The following NEK8 variants were observed in gnomAD, a reference collection of about 807,000 sequenced individuals.
The protein encoded by NEK8 is serine/threonine-protein kinase Nek8.
Under a neutral mutation model 77.2 loss-of-function variants are expected in NEK8, and 51 were observed. The observed-to-expected ratio is 0.66, with a 90% CI of 0.53 to 0.83. NEK8 has a LOEUF of 0.83. Among genes scored for constraint, NEK8 ranks in the 40% least tolerant of loss-of-function variants. The pLI, the probability that NEK8 is intolerant of heterozygous loss-of-function variation, is 0.00. For synonymous variants in NEK8, 365 were observed against 363.2 expected, an observed-to-expected ratio of 1.00 and a Z score of -0.06; for missense variants, 787 against 909.2, an observed-to-expected ratio of 0.87 and a Z score of 1.73.
intron 1 of NEK8, among the ~76,000 whole-genome samples, chr17:28,731,264 G>C (rs1311183853): frequency 1.3e-5 from 2 of 151,892 alleles, no homozygotes; most frequent in Non-Finnish European, 2.9e-5. Flanking sequence ...AAAAAGGCCG[G>C]GCGTGGGGGT....
At chr17:28,729,325 G>C (rs2034282889) in intron 1 of NEK8, among the ~76,000 whole-genome samples, 1 of 152,176 alleles carries the variant, frequency 6.6e-6, no homozygotes, top group Non-Finnish European at 1.5e-5. Flanking sequence ...AGATGGTCAA[G>C]GAAGAATTCT....
intron 1 of NEK8, among the ~76,000 whole-genome samples, chr17:28,729,531 GAT>G (rs1491513568): frequency 4.1e-5 from 4 of 98,088 alleles, no homozygotes; most frequent in African/African-American, 6.6e-5. Flanking sequence ...AAATTTTTTG[GAT>G]TTTTTTTTTT....
Position 28,738,354 on chromosome 17 carries a change from C to A in NEK8, c.1222+109C>A, listed in dbSNP as rs751078070. On this transcript the variant is annotated intron_variant, in intron 8 of 14. Transcript: ENST00000268766. ...ATGAATGCTTCTGTCTACTAGTTAT[C>A]GAGTTATTGCTTCTGTCTAGTAACT... 1.5e-5 allele frequency: 20 copies of A among 1,299,160 alleles called. No individual in the cohort carries two copies. In the South Asian group the frequency reaches 2.0e-4, roughly 13 times the overall value. The allele number at this position is 1,299,160 out of a possible 1,614,324, so 80.5% of individuals were successfully genotyped here. A position where few individuals can be genotyped will look rare whatever the true frequency, so the allele number is the denominator to read the frequency against.
intron 7 of NEK8, 41 bp downstream of exon 7, chr17:28,738,041 G>T: frequency 6.2e-7 from 1 of 1,612,890 alleles, no homozygotes; most frequent in South Asian, 1.1e-5. Flanking sequence ...TGGAGGTGGA[G>T]GTCCACAGCA....
intron 10 of NEK8, 23 bp downstream of exon 10, chr17:28,739,224 C>T: frequency 6.8e-7 from 1 of 1,476,496 alleles, no homozygotes; most frequent in Non-Finnish European, 9.5e-7. Flanking sequence ...CTTTAGGCCC[C>T]ATCTCACAGC....
At position 28,738,189 on chromosome 17, in the gene NEK8, C is replaced by T. The variant is rs199853008; in HGVS notation, c.1166C>T (p.Ser389Leu). 44 of 1,614,020 alleles carry T rather than the reference C, an allele frequency of 2.7e-5. No individual in the cohort carries two copies. The highest frequency in any genetic ancestry group is 1.6e-4 in the Middle Eastern group (1 of 6,084). Reference protein sequence around the residue: ...QFISRFLEGQSGVTIKHVACG... With the variant: ...QFISRFLEGQLGVTIKHVACG... ...ATCTCGCGTTTCCTGGAGGGCCAGT[C>T]GGGTGTGACCATCAAGCACGTGGCC... Residue 389 changes from serine to leucine, a missense_variant, in exon 8 of 15, where the codon TCG (serine) becomes TTG (leucine). Physicochemically the swap from Ser to Leu is moderately radical, Grantham distance 145 (BLOSUM62 -2). Coordinates refer to ENST00000268766, the MANE Select transcript of NEK8 (RefSeq NM_178170.3).
At position 28,737,305 on chromosome 17, in the gene NEK8, G is replaced by A; in HGVS notation, c.619-1G>A. 1.2e-6 allele frequency: 2 copies of A among 1,609,876 alleles called. No individual in the cohort carries two copies. On this transcript the variant is annotated splice_acceptor_variant, in intron 4 of 14. Transcript: ENST00000268766. LOFTEE classifies it high-confidence loss of function. This position sits in a 1 kb window ranked among gnomAD's most constrained non-coding sequence, Gnocchi z 4.8. ...AAATTCTCAACCTGGTGCCTTCACAGAACTTGCCAGCACTGGTGCTGAAGA... is the reference window on the plus strand; with the variant it reads ...AAATTCTCAACCTGGTGCCTTCACAAAACTTGCCAGCACTGGTGCTGAAGA...
rs529633320 is a variant in NEK8, at chr17:28,736,168, C to T, written c.618+797C>T. Among the ~76,000 whole-genome samples, 33 of 152,306 alleles carry T rather than the reference C, an allele frequency of 2.2e-4. No individual in the cohort carries two copies. The South Asian group carries it at 6.4e-3, about 30-fold the overall frequency. ...TATGTGCCACGTTTTCTTAATCCATCTATCATTGTTGGACATTTAGGTTGG... is the reference window on the plus strand; with the variant it reads ...TATGTGCCACGTTTTCTTAATCCATTTATCATTGTTGGACATTTAGGTTGG... On this transcript the variant is annotated intron_variant, in intron 4 of 14. Transcript: ENST00000268766.
rs938474085 is a variant in NEK8 at position 28,735,229 on chromosome 17, C to T, written c.487-11C>T. ...CCCTGCAGGGCTGTGATCCCAGCTT[C>T]TATCCTGCAGGTGGTGGGTACCCCA... On this transcript the variant is annotated splice_polypyrimidine_tract_variant and intron_variant, in intron 3 of 14. Coordinates refer to ENST00000268766, the MANE Select transcript of NEK8 (RefSeq NM_178170.3). 1.5e-5 allele frequency: 25 copies of T among 1,613,874 alleles called. No homozygotes were observed. The highest frequency in any genetic ancestry group is 1.2e-4 in the African/African-American group (9 of 74,896).
chr17:28,734,871 A>T lies in NEK8; in HGVS notation c.353A>T (p.His118Leu), dbSNP rs373716841. The change falls in exon 3 of 15, where the codon CAT (histidine) becomes CTT (leucine). Residue 118 changes from histidine (H) to leucine (L), a missense_variant. This residue lies in a region of NEK8 where 271 missense variants were observed against 365.1 expected (regional missense o/e 0.74). Transcript: ENST00000268766. ...FFVQILLALH[H>L]VHTHLILHRD... ...GTGCAGATCCTGCTTGCACTGCATC[A>T]TGTGCACACCCACCTCATCCTGCAC... 3 of 1,613,264 alleles carry T rather than the reference A, an allele frequency of 1.9e-6. No homozygotes were observed. The highest frequency in any genetic ancestry group is 1.3e-5 in the African/African-American group (1 of 74,876).
chr17:28,741,115 CGG>C lies in NEK8; in HGVS notation c.1771_1772del (p.Gly591ThrfsTer15). 6.2e-7 allele frequency: 1 copy of C among 1,614,130 alleles called. No individual in the cohort carries two copies. The highest frequency in any genetic ancestry group is 8.5e-7 in the Non-Finnish European group (1 of 1,180,018). On this transcript the variant is annotated frameshift_variant, in exon 13 of 15. Coordinates refer to ENST00000268766, the MANE Select transcript of NEK8 (RefSeq NM_178170.3). LOFTEE classifies it high-confidence loss of function. This position sits in a 1 kb window ranked among gnomAD's most constrained non-coding sequence, Gnocchi z 4.5. ...GCTACACTTTTGGCAGCAATCAGCA[CGG>C]ACAGTTGGGCACCAATACTCGCCGA... ...DCYTFGSNQH[G>X]QLGTNTRRGS...
At chr17:28,728,986 C>A in intron 1 of NEK8, 126 bp downstream of exon 1, 3 of 883,052 alleles carry the variant, frequency 3.4e-6, no homozygotes, top group South Asian at 1.5e-5. Flanking sequence ...GAAGCCCCGC[C>A]CAAGCTTCCG....
chr17:28,734,411 T>C, intron 2 of NEK8: 1 of 598,098 alleles, frequency 1.7e-6, no homozygotes. Flanking sequence ...GGCTCATGCC[T>C]GTAATCTCAG....
chr17:28,742,090 G>C lies in NEK8; in HGVS notation c.*103G>C. 2 of 1,168,308 alleles carry C rather than the reference G, an allele frequency of 1.7e-6. No individual in the cohort carries two copies. 72.4% of individuals were successfully genotyped at this position (1,168,308 alleles called of 1,614,324 possible). A position where few individuals can be genotyped will look rare whatever the true frequency, so the allele number is the denominator to read the frequency against. Reference sequence around the variant, plus strand: ...ATGACTTGCAGCTGTCTCCTGGATTGTGTCATCATGGGGTATCAGGGCTGG... The same window carrying C: ...ATGACTTGCAGCTGTCTCCTGGATTCTGTCATCATGGGGTATCAGGGCTGG... On this transcript the variant is annotated 3_prime_UTR_variant, in exon 15 of 15. Coordinates refer to ENST00000268766, the MANE Select transcript of NEK8 (RefSeq NM_178170.3).
intron 1 of NEK8, among the ~76,000 whole-genome samples, chr17:28,731,487 C>T (rs1224868541): frequency 6.6e-6 from 1 of 151,842 alleles, no homozygotes; most frequent in Non-Finnish European, 1.5e-5. Context: ...TGTAGTGAGC[C>T]GAGATCGCGC....
chr17:28,728,888 T>A, intron 1 of NEK8, 28 bp downstream of exon 1: 1 of 1,537,582 alleles, frequency 6.5e-7, no homozygotes, highest in Non-Finnish European at 8.8e-7. Flanking sequence ...GGGAGGAAAC[T>A]GCTAGGGGAT....
rs374175041 is a variant in NEK8, at chr17:28,738,123, G to C, written c.1100G>C (p.Ser367Thr). The stretch of plus-strand genomic sequence containing the variant: ...CCACCCCTAGGTGCAGGCGGAGGCA[G>C]TCTCCTTCCTGGGGCAGTGGAGCAG... ...EAPPLGAGGG[S>T]LLPGAVEQPQ... is the part of the protein sequence containing the mutation. Residue 367 changes from serine to threonine, a missense_variant, in exon 8 of 15, where the codon AGT becomes ACT. Ser to Thr is a moderately conservative substitution (Grantham distance 58). This residue lies in a region of NEK8 where 516 missense variants were observed against 544.0 expected (regional missense o/e 0.95). Transcript: ENST00000268766. 326 of 1,613,850 alleles carry C rather than the reference G, an allele frequency of 2.0e-4. No individual in the cohort carries two copies. Among genetic ancestry groups the C allele is most frequent in the Non-Finnish European group, 2.7e-4 (320 of 1,179,934 alleles).
intron 9 of NEK8, 52 bp from the exon 10 acceptor site, chr17:28,739,032 A>C: frequency 7.3e-7 from 1 of 1,364,272 alleles, no homozygotes; most frequent in Non-Finnish European, 1.1e-6. Context: ...TGTTGAAGCC[A>C]GATGGCTCCA....
chr17:28,742,131 G>A lies in NEK8; in HGVS notation c.*144G>A. ...TCAGGGCTGGCAAAACCCCTGCTCTGCTTTTGGCCTTGGATATGGAAACCT... is the reference window on the plus strand; with the variant it reads ...TCAGGGCTGGCAAAACCCCTGCTCTACTTTTGGCCTTGGATATGGAAACCT... On this transcript the variant is annotated 3_prime_UTR_variant, in exon 15 of 15. Transcript: ENST00000268766. 1 of 860,210 alleles carries A rather than the reference G, an allele frequency of 1.2e-6. No individual in the cohort carries two copies. 53.3% of individuals were successfully genotyped at this position (860,210 alleles called of 1,614,324 possible).
Sources: gnomAD v4.1 joint callset for allele counts (sites outside exome capture counted in the v4.1 genomes callset) on GRCh38, gnomAD v4.1.1 for gene constraint, gnomAD v4.1.1 regional missense constraint, Gnocchi (gnomAD v3.1) non-coding constraint, MANE v1.5 for transcripts, NCBI Gene and HGNC (gene_info 2026-07-23, HGNC 2026-07-21) for gene names.